The following TBC1D4 variants were observed in gnomAD, a reference collection of about 807,000 sequenced individuals.
TBC1D4 encodes the protein TBC1 domain family member 4.
TBC1D4 carries 121 observed loss-of-function variants against 142.5 expected under a neutral mutation model. The ratio of observed to expected loss-of-function variants is 0.85; its 90% CI spans 0.73 to 0.99. The LOEUF (loss-of-function observed/expected upper bound fraction) is 0.99. Among genes scored for constraint, TBC1D4 ranks in the 50% least tolerant of loss-of-function variants. TBC1D4 has a pLI of 0.00. For missense variants in TBC1D4, 1,475 were observed against 1,606.6 expected (o/e 0.92, Z 1.40); for synonymous variants, 630 against 628.2 (o/e 1.00, Z -0.04).
chr13:75,458,079 C>G (rs149966571), intron 1 of TBC1D4, among the ~76,000 whole-genome samples: 2 of 152,224 alleles, frequency 1.3e-5, no homozygotes, highest in African/African-American at 4.8e-5. Flanking sequence ...GGGGTGACAG[C>G]CTTTTACACC....
At chr13:75,314,989 T>C (rs925456272) in intron 12 of TBC1D4, among the ~76,000 whole-genome samples, 1 of 147,318 alleles carries the variant, frequency 6.8e-6, no homozygotes, top group African/African-American at 2.5e-5. Context: ...CAAAATAAAA[T>C]TATAATTAAA....
At chr13:75,317,164 A>G (rs1283001665) in intron 12 of TBC1D4, among the ~76,000 whole-genome samples, 2 of 152,168 alleles carry the variant, frequency 1.3e-5, no homozygotes, top group East Asian at 3.9e-4. Context: ...AGAATCCAGC[A>G]TTAGGCACTG....
At chr13:75,443,371 T>C (rs923375752) in intron 1 of TBC1D4, among the ~76,000 whole-genome samples, 3 of 152,208 alleles carry the variant, frequency 2.0e-5, no homozygotes, top group Admixed American at 1.3e-4. Context: ...CCATACAGCA[T>C]TAAATAATGC....
intron 1 of TBC1D4, among the ~76,000 whole-genome samples, chr13:75,400,926 A>G (rs1885059585): frequency 1.3e-5 from 2 of 152,178 alleles, no homozygotes; most frequent in African/African-American, 4.8e-5. Flanking sequence ...AGAAAGAGAA[A>G]GTCTCACAGG....
At chr13:75,384,039 G>A (rs536592304) in intron 1 of TBC1D4, among the ~76,000 whole-genome samples, 150 of 152,160 alleles carry the variant, frequency 9.9e-4, no homozygotes, top group African/African-American at 3.3e-3. Flanking sequence ...ACGAGTTAAT[G>A]AGTGCAGCAC....
rs1874699381 is a variant in TBC1D4, at chr13:75,286,652, AC to A, written c.*139del. The A allele has an allele frequency of 2.4e-6, 2 of 830,562 alleles. No individual in the cohort carries two copies. Among genetic ancestry groups the A allele is most frequent in the South Asian group, 1.5e-5 (1 of 65,686 alleles). 51.4% of individuals were successfully genotyped at this position (830,562 alleles called of 1,614,324 possible). On this transcript the variant is annotated 3_prime_UTR_variant, in exon 21 of 21. Coordinates refer to ENST00000377636, the MANE Select transcript of TBC1D4 (RefSeq NM_014832.5). Reference sequence around the variant, plus strand: ...GCATGCTCTGATGAGCACGAGGTCCACCTGCTGTGACTAGGCGCTCAGCACC... The same window carrying A: ...GCATGCTCTGATGAGCACGAGGTCCACTGCTGTGACTAGGCGCTCAGCACC...
intron 1 of TBC1D4, among the ~76,000 whole-genome samples, chr13:75,408,815 A>T (rs1168555413): frequency 3.3e-5 from 5 of 152,162 alleles, no homozygotes; most frequent in African/African-American, 1.2e-4. Context: ...CACTTCTCTA[A>T]TGACGAATGA....
At chr13:75,384,075 C>T (rs1884023456) in intron 1 of TBC1D4, among the ~76,000 whole-genome samples, 1 of 144,110 alleles carries the variant, frequency 6.9e-6, no homozygotes, top group Non-Finnish European at 1.5e-5. Flanking sequence ...TGCACATGTA[C>T]CCTAAAACTT....
intron 1 of TBC1D4, among the ~76,000 whole-genome samples, chr13:75,433,733 C>T (rs1886681098): frequency 6.6e-6 from 1 of 152,112 alleles, no homozygotes; most frequent in African/African-American, 2.4e-5. Context: ...AAACAGACAA[C>T]CTATGAATGC....
intron 1 of TBC1D4, among the ~76,000 whole-genome samples, chr13:75,404,429 C>G (rs1204208155): frequency 6.6e-6 from 1 of 152,168 alleles, no homozygotes; most frequent in African/African-American, 2.4e-5. Context: ...TCATATGTCT[C>G]CCTAAGCTCC....
intron 1 of TBC1D4, among the ~76,000 whole-genome samples, chr13:75,466,676 G>T (rs952024240): frequency 1.3e-5 from 2 of 151,844 alleles, no homozygotes; most frequent in Non-Finnish European, 2.9e-5. Flanking sequence ...TTCGAGACCA[G>T]CCTGGCCAAC....
intron 1 of TBC1D4, among the ~76,000 whole-genome samples, chr13:75,399,005 T>A (rs539240124): frequency 3.9e-5 from 6 of 152,302 alleles, no homozygotes; most frequent in African/African-American, 1.4e-4. Flanking sequence ...TAATTTGATA[T>A]ACAGAAAGTT....
chr13:75,364,759 A>T (rs1209337899), intron 1 of TBC1D4, among the ~76,000 whole-genome samples: 1 of 152,242 alleles, frequency 6.6e-6, no homozygotes, highest in Admixed American at 6.5e-5. Flanking sequence ...TCTGATTTTT[A>T]ACCCAAAATC....
At chr13:75,355,105 TCCTAA>T (rs1447179461) in intron 4 of TBC1D4, among the ~76,000 whole-genome samples, 3 of 152,168 alleles carry the variant, frequency 2.0e-5, no homozygotes, top group African/African-American at 7.2e-5. Context: ...TCTTCATTAT[TCCTAA>T]CCTCAGTGTC....
chr13:75,294,021 A>C (rs1221731095), intron 18 of TBC1D4, among the ~76,000 whole-genome samples: 1 of 152,228 alleles, frequency 6.6e-6, no homozygotes, highest in Admixed American at 6.5e-5. Context: ...ATCAGAACAT[A>C]AAAATTAAGG....
intron 1 of TBC1D4, among the ~76,000 whole-genome samples, chr13:75,449,577 AACAT>A (rs1357201525): frequency 6.6e-6 from 1 of 151,440 alleles, no homozygotes; most frequent in South Asian, 2.1e-4. Flanking sequence ...ACACAGTTTT[AACAT>A]ACATAGTTTT....
chr13:75,451,264 T>G (rs1435388567), intron 1 of TBC1D4, among the ~76,000 whole-genome samples: 3 of 152,122 alleles, frequency 2.0e-5, no homozygotes, highest in Admixed American at 6.6e-5. Flanking sequence ...TGCCTCGCAG[T>G]GTCTGCACAT....
intron 1 of TBC1D4, among the ~76,000 whole-genome samples, chr13:75,397,637 T>C (rs1884865062): frequency 6.7e-6 from 1 of 148,474 alleles, no homozygotes; most frequent in East Asian, 1.9e-4. Flanking sequence ...TGCTTTTTTG[T>C]TTTGTTTTGT....
Position 75,455,552 on chromosome 13 carries a change from C to T in TBC1D4, c.498+25718G>A, listed in dbSNP as rs138410727. On this transcript the variant is annotated intron_variant, in intron 1 of 20. Coordinates refer to ENST00000377636, the MANE Select transcript of TBC1D4 (RefSeq NM_014832.5). ...AGCCTAGGAGTTCAAGTCCAGCCTG[C>T]GAACATAAATAGAATTTTTAAAATA... Among the ~76,000 whole-genome samples, 232 of 151,814 alleles carry T rather than the reference C, an allele frequency of 1.5e-3. 4 individuals carry two copies. The East Asian group carries it at 0.039, about 26-fold the overall frequency.
Sources: gnomAD v4.1 joint callset for allele counts (sites outside exome capture counted in the v4.1 genomes callset) on GRCh38, gnomAD v4.1.1 for gene constraint, MANE v1.5 for transcripts, NCBI Gene and HGNC (gene_info 2026-07-23, HGNC 2026-07-21) for gene names.